Variants in ANXA6 observed in about 807,000 individuals in gnomAD.
ANXA6 encodes the protein annexin A6, also known as 67 kDa calelectrin.
A neutral mutation model predicts 95.4 loss-of-function variants in ANXA6; 71 were observed. The ratio of observed to expected loss-of-function variants is 0.74; its 90% CI spans 0.61 to 0.91. The LOEUF (loss-of-function observed/expected upper bound fraction) is 0.91. Ranked by LOEUF, ANXA6 falls within the 40% of genes least tolerant of loss-of-function variation. The pLI, the probability that ANXA6 is intolerant of heterozygous loss-of-function variation, is 0.00. For missense variants in ANXA6, 830 were observed against 876.4 expected, an observed-to-expected ratio of 0.95 and a Z score of 0.67; for synonymous variants, 289 against 315.9, an observed-to-expected ratio of 0.91 and a Z score of 0.90.
intron 17 of ANXA6, 146 bp from the exon 18 acceptor site, chr5:151,119,536 G>A: frequency 1.5e-6 from 1 of 657,004 alleles, no homozygotes; most frequent in Non-Finnish European, 2.7e-6. Context: ...CAAGACCTTG[G>A]CACAACCAAG....
chr5:151,151,979 G>A lies in ANXA6; in HGVS notation c.-25-4053C>T, dbSNP rs569881285. Among the ~76,000 whole-genome samples the A allele has an allele frequency of 3.3e-5, 5 of 152,300 alleles. No homozygotes were observed. In the East Asian group the frequency reaches 9.7e-4, roughly 29 times the overall value. ...CTTTGTGCTGCTGTGGCCACCCCTTGCCTCATCCTTTTGCCTGCAATCAAT... is the reference window on the plus strand; with the variant it reads ...CTTTGTGCTGCTGTGGCCACCCCTTACCTCATCCTTTTGCCTGCAATCAAT... On this transcript the variant is annotated intron_variant, in intron 1 of 25. Transcript: ENST00000354546.
intron 23 of ANXA6, among the ~76,000 whole-genome samples, chr5:151,105,517 A>G (rs1394825026): frequency 6.6e-6 from 1 of 151,932 alleles, no homozygotes; most frequent in Non-Finnish European, 1.5e-5. Flanking sequence ...ATTGGTTGCA[A>G]CTCTCTTCCT....
intron 2 of ANXA6, among the ~76,000 whole-genome samples, chr5:151,144,412 C>G (rs1418471980): frequency 6.6e-6 from 1 of 152,088 alleles, no homozygotes; most frequent in Non-Finnish European, 1.5e-5. Context: ...TCTGCTGGGG[C>G]AGGGGTGTGT....
intron 12 of ANXA6, among the ~76,000 whole-genome samples, chr5:151,128,641 A>T (rs1276136472): frequency 6.6e-6 from 1 of 152,224 alleles, no homozygotes; most frequent in Admixed American, 6.5e-5. Context: ...ATGAGCAAAA[A>T]TATTGGGAAA....
intron 17 of ANXA6, 51 bp from the exon 18 acceptor site, chr5:151,119,441 C>T: frequency 6.5e-7 from 1 of 1,532,928 alleles, no homozygotes; most frequent in Middle Eastern, 1.8e-4. Flanking sequence ...ACCTCCTGTG[C>T]AGAGGTCCAT....
At chr5:151,136,633 C>T (rs41290571) in intron 6 of ANXA6, among the ~76,000 whole-genome samples, 37,287 of 152,060 alleles carry the variant, frequency 0.25, 4,762 homozygotes, top group Middle Eastern at 0.37. Context: ...TTCCAACCCA[C>T]GGCAACAAGG....
intron 20 of ANXA6, among the ~76,000 whole-genome samples, chr5:151,112,944 A>G (rs1463794586): frequency 1.3e-5 from 2 of 152,222 alleles, no homozygotes; most frequent in Non-Finnish European, 2.9e-5. Flanking sequence ...TCACAGACAT[A>G]GAAAGAATGG....
chr5:151,144,955 C>T (rs1404799785), intron 2 of ANXA6, among the ~76,000 whole-genome samples: 1 of 152,166 alleles, frequency 6.6e-6, no homozygotes, highest in African/African-American at 2.4e-5. Context: ...CCGTGTCATT[C>T]TCACACCAAC....
intron 2 of ANXA6, among the ~76,000 whole-genome samples, chr5:151,143,408 C>G (rs1362639459): frequency 1.3e-5 from 2 of 152,116 alleles, no homozygotes; most frequent in African/African-American, 4.8e-5. Context: ...TATAAAAAGG[C>G]AGCAATGCTG....
At chr5:151,149,576 T>A (rs1227434777) in intron 1 of ANXA6, among the ~76,000 whole-genome samples, 1 of 151,962 alleles carries the variant, frequency 6.6e-6, no homozygotes, top group Non-Finnish European at 1.5e-5. Context: ...AACCTCCACC[T>A]CCCGGGTTCA....
intron 2 of ANXA6, among the ~76,000 whole-genome samples, chr5:151,143,522 A>G (rs375436768): frequency 7.2e-5 from 11 of 152,192 alleles, no homozygotes; most frequent in African/African-American, 2.2e-4. Context: ...CAAGCAAGCA[A>G]CATTTACTGA....
At chr5:151,103,427 A>G (rs1764603682) in intron 25 of ANXA6, 143 bp downstream of exon 25, 7 of 678,412 alleles carry the variant, frequency 1.0e-5, no homozygotes, top group Middle Eastern at 5.3e-4. Flanking sequence ...ACAATGCAAT[A>G]CAGACCCCCT....
In ANXA6 at chr5:151,108,475, C is replaced by G. The variant is rs781615274; in HGVS notation, c.1760G>C (p.Arg587Thr). 1 of 1,613,938 alleles carries G rather than the reference C, an allele frequency of 6.2e-7. No individual in the cohort carries two copies. Among genetic ancestry groups the G allele is most frequent in the South Asian group, 1.1e-5 (1 of 91,088 alleles). ...TIKKEMSGDV[R>T]DAFVAIVQSV... ...GTTACCAATGGCCACAAATGCATCC[C>G]TGACATCCCCAGACATCTCCTTCTT... The change falls in exon 23 of 26, where the codon AGG (arginine) becomes ACG (threonine). Residue 587 changes from arginine to threonine, a missense_variant. Coordinates refer to ENST00000354546, the MANE Select transcript of ANXA6 (RefSeq NM_001155.5).
At chr5:151,120,319 TTGAC>T (rs1236629343) in intron 17 of ANXA6, among the ~76,000 whole-genome samples, 2 of 151,808 alleles carry the variant, frequency 1.3e-5, no homozygotes, top group African/African-American at 2.4e-5. Flanking sequence ...GACTGATTGA[TTGAC>T]TGAATGAGTC....
chr5:151,103,802 A>G, intron 24 of ANXA6, 110 bp from the exon 25 acceptor site: 1 of 1,310,020 alleles, frequency 7.6e-7, no homozygotes, highest in East Asian at 2.7e-5. Context: ...TTCCAAAAAC[A>G]GGGCGGATGT....
intron 7 of ANXA6, among the ~76,000 whole-genome samples, chr5:151,135,469 G>C (rs1209960914): frequency 1.3e-5 from 2 of 152,190 alleles, no homozygotes; most frequent in Non-Finnish European, 2.9e-5. Context: ...GTATAAAAGG[G>C]AAATGGGGGA....
chr5:151,147,982 C>G, intron 1 of ANXA6, 56 bp from the exon 2 acceptor site: 1 of 1,497,582 alleles, frequency 6.7e-7, no homozygotes, highest in Non-Finnish European at 9.1e-7. Flanking sequence ...CATCCCCTTT[C>G]TTTCCCTTAC....
chr5:151,124,329 A>G lies in ANXA6; in HGVS notation c.1095T>C (p.Pro365=), dbSNP rs1377144889. 2.5e-6 allele frequency: 4 copies of G among 1,613,440 alleles called. No individual in the cohort carries two copies. The highest frequency in any genetic ancestry group is 3.4e-6 in the Non-Finnish European group (4 of 1,179,742). ...TCCGCAGCGCTTTGGCATCTGCGTC[A>G]GGGTTGAAGTCATTGGCTGGGCGCA... The part of the protein sequence containing the change: ...GTVRPANDFN[P]DADAKALRKA... Residue 365 remains proline (P), a synonymous_variant, in exon 15 of 26, where the codon CCT becomes CCC. Coordinates refer to ENST00000354546, the MANE Select transcript of ANXA6 (RefSeq NM_001155.5).
At chr5:151,129,182 C>G (rs1306171944) in intron 12 of ANXA6, among the ~76,000 whole-genome samples, 1 of 152,222 alleles carries the variant, frequency 6.6e-6, no homozygotes, top group Admixed American at 6.5e-5. Context: ...CATGACCCAG[C>G]CCCTGCCTCC....
Sources: allele counts gnomAD v4.1 joint callset (sites outside exome capture counted in the v4.1 genomes callset), GRCh38; gene constraint gnomAD v4.1.1; transcripts MANE v1.5; gene names NCBI Gene and HGNC (gene_info 2026-07-23, HGNC 2026-07-21).